The following HTRA1 variants were observed in gnomAD, a reference collection of about 807,000 sequenced individuals.
HTRA1 encodes serine protease HTRA1.
In HTRA1, 26 loss-of-function variants were observed where a neutral mutation model predicts 49.7. The observed-to-expected ratio is 0.52, with a 90% CI of 0.38 to 0.73. The LOEUF is 0.73. Among genes scored for constraint, HTRA1 ranks in the 30% least tolerant of loss-of-function variants. The pLI, the probability that HTRA1 is intolerant of heterozygous loss-of-function variation, is 0.00. For missense variants in HTRA1, 561 were observed against 667.2 expected (o/e 0.84, Z 1.75); for synonymous variants, 291 against 286.9 (o/e 1.01, Z -0.14).
chr10:122,494,330 A>T lies in HTRA1; in HGVS notation c.777+4704A>T, dbSNP rs2268352. 0.018 allele frequency among the ~76,000 whole-genome samples: 2,746 copies of T among 152,220 alleles called. 74 individuals carry two copies. The highest frequency in any genetic ancestry group is 0.14 in the East Asian group (719 of 5,158). On this transcript the variant is annotated intron_variant, in intron 3 of 8. Transcript: ENST00000368984. This position sits in a 1 kb window ranked among gnomAD's most constrained non-coding sequence, Gnocchi z 4.0. ...CCCGGAGGAAGCAAGGGCACCCGCC[A>T]CATGGATGGAATTGAGGGGAAGGCA...
Position 122,461,869 on chromosome 10 carries a change from G to A in HTRA1, c.217G>A (p.Gly73Ser). The A allele has an allele frequency of 8.2e-7, 1 of 1,220,442 alleles. No individual in the cohort carries two copies. The highest frequency in any genetic ancestry group is 1.0e-6 in the Non-Finnish European group (1 of 983,816). The allele number at this position is 1,220,442 out of a possible 1,614,324, so 75.6% of individuals were successfully genotyped here. ...GCCEVCGAPE[G>S]AACGLQEGPC... Reference sequence around the variant, plus strand: ...CTGCGAGGTGTGCGGCGCGCCCGAGGGCGCCGCGTGCGGCCTGCAGGAGGG... The same window carrying A: ...CTGCGAGGTGTGCGGCGCGCCCGAGAGCGCCGCGTGCGGCCTGCAGGAGGG... The change falls in exon 1 of 9, where the codon GGC becomes AGC. Residue 73 changes from glycine (G) to serine (S), a missense_variant. Gly to Ser is a moderately conservative substitution (Grantham distance 56). Around this residue, in one of 3 missense-constraint regions of HTRA1, gnomAD observed 271 missense variants for 410.0 expected, o/e 0.66. Transcript: ENST00000368984.
intron 8 of HTRA1, among the ~76,000 whole-genome samples, chr10:122,513,716 G>A (rs1025106856): frequency 6.7e-6 from 1 of 149,624 alleles, no homozygotes; most frequent in Non-Finnish European, 1.5e-5. Context: ...ATCTACCGAT[G>A]GTTTATTTTT....
At chr10:122,480,386 G>C (rs1482436022) in intron 1 of HTRA1, among the ~76,000 whole-genome samples, 3 of 152,228 alleles carry the variant, frequency 2.0e-5, no homozygotes, top group African/African-American at 7.2e-5. Flanking sequence ...AAGGGACAGA[G>C]CCAAGAACAG....
chr10:122,502,798 T>C (rs2097501496), intron 3 of HTRA1, among the ~76,000 whole-genome samples: 1 of 152,178 alleles, frequency 6.6e-6, no homozygotes. Flanking sequence ...TAGGGGGACC[T>C]GAGATCTCCG....
chr10:122,507,218 TCCGGCAAAA>T, intron 4 of HTRA1, 143 bp from the exon 5 acceptor site: 3 of 723,888 alleles, frequency 4.1e-6, no homozygotes, highest in South Asian at 1.6e-5. Context: ...GTCATTTTTT[TCCGGCAAAA>T]TATTAGGTTA....
Position 122,508,740 on chromosome 10 carries a change from C to T in HTRA1, c.1090C>T (p.Leu364Phe). 1 of 1,613,262 alleles carries T rather than the reference C, an allele frequency of 6.2e-7. No individual in the cohort carries two copies. The highest frequency in any genetic ancestry group is 8.5e-7 in the Non-Finnish European group (1 of 1,179,184). The change falls in exon 6 of 9, where the codon CTC becomes TTC. Residue 364 changes from leucine (L) to phenylalanine (F), a missense_variant. Leu to Phe is a conservative substitution (Grantham distance 22, BLOSUM62 0). Coordinates refer to ENST00000368984, the MANE Select transcript of HTRA1 (RefSeq NM_002775.5). ...CCCATCTGATAAGATTAAAAAGTTCCTCACGGAGTCCCATGACCGACAGGC... is the reference window on the plus strand; with the variant it reads ...CCCATCTGATAAGATTAAAAAGTTCTTCACGGAGTCCCATGACCGACAGGC... ...AIPSDKIKKF[L>F]TESHDRQAKG...
intron 6 of HTRA1, 63 bp from the exon 7 acceptor site, chr10:122,510,033 T>C (rs2097504899): frequency 2.8e-6 from 4 of 1,430,862 alleles, no homozygotes; most frequent in Non-Finnish European, 3.0e-6. Flanking sequence ...CCCCGGCCCC[T>C]GGTGTCCCCA....
intron 5 of HTRA1, among the ~76,000 whole-genome samples, chr10:122,508,259 TC>T (rs2097504037): frequency 6.6e-6 from 1 of 152,238 alleles, no homozygotes; most frequent in South Asian, 2.1e-4. Flanking sequence ...TAGGGTTGTT[TC>T]CCCCTGAAGT....
At chr10:122,486,718 C>T (rs565978770) in intron 1 of HTRA1, among the ~76,000 whole-genome samples, 1 of 151,664 alleles carries the variant, frequency 6.6e-6, no homozygotes, top group South Asian at 2.1e-4. Flanking sequence ...GGAAGGGTTG[C>T]CACTCTAGTG....
intron 1 of HTRA1, among the ~76,000 whole-genome samples, chr10:122,476,477 G>C (rs1361867680): frequency 1.3e-5 from 2 of 152,218 alleles, no homozygotes; most frequent in Admixed American, 1.3e-4. Context: ...TCAGGTGCCT[G>C]TGGCTCGTCC....
chr10:122,491,710 T>C (rs73369638), intron 3 of HTRA1, among the ~76,000 whole-genome samples: 1,791 of 152,328 alleles, frequency 0.012, 36 homozygotes, highest in African/African-American at 0.041. Context: ...GCAGAGTGTG[T>C]CTGACCTGAC....
At chr10:122,474,575 G>A (rs1410134380) in intron 1 of HTRA1, among the ~76,000 whole-genome samples, 1 of 152,194 alleles carries the variant, frequency 6.6e-6, no homozygotes, top group Non-Finnish European at 1.5e-5. Flanking sequence ...GGCAGCTCCA[G>A]ACATAACAAC....
intron 1 of HTRA1, among the ~76,000 whole-genome samples, chr10:122,463,277 G>A (rs1294756847): frequency 6.6e-6 from 1 of 152,240 alleles, no homozygotes; most frequent in Non-Finnish European, 1.5e-5. Context: ...TGCCAGAGCC[G>A]AACTGGGTGA....
At chr10:122,507,298 G>A (rs2097503488) in intron 4 of HTRA1, 72 bp from the exon 5 acceptor site, 12 of 1,260,710 alleles carry the variant, frequency 9.5e-6, no homozygotes, top group East Asian at 6.9e-5. Context: ...CTCAGGAAAC[G>A]ACCAGGCAGG....
In HTRA1 at chr10:122,506,925, G is replaced by A; in HGVS notation, c.972+40G>A. 6.3e-7 allele frequency: 1 copy of A among 1,576,370 alleles called. No individual in the cohort carries two copies. Among genetic ancestry groups the A allele is most frequent in the East Asian group, 2.2e-5 (1 of 44,690 alleles). Reference sequence around the variant, plus strand: ...CTCTGCGGGTGGGGATTGGGGCAGAGTTTTGCCAGGGGGAGAGGAGTCAGC... The same window carrying A: ...CTCTGCGGGTGGGGATTGGGGCAGAATTTTGCCAGGGGGAGAGGAGTCAGC... On this transcript the variant is annotated intron_variant, in intron 4 of 8. Transcript: ENST00000368984. This position sits in a 1 kb window ranked among gnomAD's most constrained non-coding sequence, Gnocchi z 5.2.
intron 1 of HTRA1, among the ~76,000 whole-genome samples, chr10:122,484,767 G>C (rs1340848081): frequency 6.6e-6 from 1 of 152,222 alleles, no homozygotes; most frequent in African/African-American, 2.4e-5. Context: ...TGAGTACCCT[G>C]CTGAGGGTCA....
intron 1 of HTRA1, among the ~76,000 whole-genome samples, chr10:122,465,849 G>A (rs868068346): frequency 1.4e-4 from 21 of 152,270 alleles, no homozygotes; most frequent in African/African-American, 4.8e-4. Context: ...CCGGGATTCC[G>A]GACCTCTGCT....
At chr10:122,462,596 G>A (rs1326727757) in intron 1 of HTRA1, among the ~76,000 whole-genome samples, 2 of 152,208 alleles carry the variant, frequency 1.3e-5, no homozygotes, top group African/African-American at 4.8e-5. Context: ...TTTGATCACG[G>A]GACCGCTCAG....
intron 3 of HTRA1, among the ~76,000 whole-genome samples, chr10:122,493,808 A>G (rs1282880519): frequency 6.6e-6 from 1 of 151,142 alleles, no homozygotes; most frequent in Non-Finnish European, 1.5e-5. Flanking sequence ...CTGATTGGGC[A>G]CCCCTCACTC....
Sources: gnomAD v4.1 joint callset for allele counts (sites outside exome capture counted in the v4.1 genomes callset) on GRCh38, gnomAD v4.1.1 for gene constraint, gnomAD v4.1.1 regional missense constraint, Gnocchi (gnomAD v3.1) non-coding constraint, MANE v1.5 for transcripts, NCBI Gene and HGNC (gene_info 2026-07-23, HGNC 2026-07-21) for gene names.